WDR44: variants seen among roughly 807,000 people sequenced by gnomAD.
The protein encoded by WDR44 is WD repeat domain 44.
WDR44 carries 9 observed loss-of-function variants against 65.7 expected under a neutral mutation model. The observed-to-expected ratio is 0.14, with a 90% CI of 0.08 to 0.24. The LOEUF is 0.24. WDR44 is among the 10% of genes least tolerant of loss of function. The probability of loss-of-function intolerance (pLI) is 1.00; values close to 1 mark genes in which losing one functional copy is unlikely to be tolerated. For missense variants in WDR44, 425 were observed against 670.9 expected, an observed-to-expected ratio of 0.63 and a Z score of 4.05; for synonymous variants, 220 against 235.2, an observed-to-expected ratio of 0.94 and a Z score of 0.59.
intron 12 of WDR44, among the ~76,000 whole-genome samples, chrX:118,428,470 G>A (rs1419603346): frequency 1.8e-5 from 2 of 111,060 alleles, no homozygotes; most frequent in Non-Finnish European, 3.8e-5. Flanking sequence ...AAGACTTTGA[G>A]GAAATATGCT....
intron 3 of WDR44, among the ~76,000 whole-genome samples, chrX:118,390,306 G>A (rs905642470): frequency 9.1e-6 from 1 of 110,437 alleles, no homozygotes; most frequent in Non-Finnish European, 1.9e-5. Context: ...TAGTCTTTCC[G>A]TTTTCACTAT....
intron 18 of WDR44, 65 bp downstream of exon 18, chrX:118,443,752 A>G: frequency 9.2e-7 from 1 of 1,092,401 alleles, no homozygotes; most frequent in Non-Finnish European, 1.2e-6. Context: ...ATATACTAGA[A>G]GTAAATTCAT....
intron 1 of WDR44, among the ~76,000 whole-genome samples, chrX:118,356,592 T>C (rs150630704): frequency 0.013 from 1,464 of 109,970 alleles, 31 homozygotes; most frequent in African/African-American, 0.046. Context: ...TTGTCACTCT[T>C]TGTGACTACC....
chrX:118,365,558 G>A (rs1217300112), intron 1 of WDR44, among the ~76,000 whole-genome samples: 1 of 111,693 alleles, frequency 9.0e-6, no homozygotes, highest in Non-Finnish European at 1.9e-5. Flanking sequence ...CTGTCAGCCA[G>A]TATATTACCT....
chrX:118,413,548 ATTTG>A (rs1326095395), intron 12 of WDR44, among the ~76,000 whole-genome samples: 3 of 109,627 alleles, frequency 2.7e-5, no homozygotes, highest in Non-Finnish European at 5.7e-5. Flanking sequence ...TTTCTTACTG[ATTTG>A]TTTGAGTTTG....
At chrX:118,363,554 G>A (rs759939061) in intron 1 of WDR44, among the ~76,000 whole-genome samples, 12 of 111,355 alleles carry the variant, frequency 1.1e-4, no homozygotes, top group African/African-American at 3.9e-4. Context: ...ACCTCTAAGG[G>A]AGCAGCAAGC....
At chrX:118,447,220 C>G (rs1265965423) in intron 19 of WDR44, 1 of 191,787 alleles carries the variant, frequency 5.2e-6, no homozygotes, top group African/African-American at 3.1e-5. Context: ...TTTTTACATT[C>G]CATATACTTC....
chrX:118,383,720 CT>C (rs531607075), intron 2 of WDR44, among the ~76,000 whole-genome samples: 1,321 of 84,401 alleles, frequency 0.016, 9 homozygotes, highest in African/African-American at 0.03. Context: ...TCCAAGTATT[CT>C]TTTTTTTTTT....
At chrX:118,352,292 T>C (rs1307930281) in intron 1 of WDR44, among the ~76,000 whole-genome samples, 1 of 83,489 alleles carries the variant, frequency 1.2e-5, no homozygotes, top group African/African-American at 4.5e-5. Context: ...TGGGACCACA[T>C]ATGTGCACCA....
At chrX:118,402,207 G>T (rs1371446590) in intron 8 of WDR44, among the ~76,000 whole-genome samples, 1 of 108,812 alleles carries the variant, frequency 9.2e-6, no homozygotes, top group African/African-American at 3.4e-5. Context: ...GCCGAGGCAG[G>T]TGGATTACCT....
chrX:118,434,248 A>G (rs888684428), intron 13 of WDR44, among the ~76,000 whole-genome samples: 3 of 112,089 alleles, frequency 2.7e-5, no homozygotes, highest in Non-Finnish European at 5.6e-5. Flanking sequence ...TCAAGTGAGT[A>G]ATGTGCATTT....
At chrX:118,375,583 C>T (rs774464309) in intron 1 of WDR44, among the ~76,000 whole-genome samples, 6 of 108,883 alleles carry the variant, frequency 5.5e-5, no homozygotes, top group African/African-American at 1.7e-4. Context: ...GTTTTGATTG[C>T]ACTTGTATTA....
chrX:118,432,461 A>C (rs372416513), intron 12 of WDR44, among the ~76,000 whole-genome samples: 65 of 111,801 alleles, frequency 5.8e-4, no homozygotes, highest in African/African-American at 2.0e-3. Flanking sequence ...GCTAATCTTC[A>C]TTAGCTTAGA....
At chrX:118,351,490 CTGTT>C (rs1247157045) in intron 1 of WDR44, among the ~76,000 whole-genome samples, 2 of 112,024 alleles carry the variant, frequency 1.8e-5, no homozygotes, top group Non-Finnish European at 3.8e-5. Flanking sequence ...TTAAAAATGG[CTGTT>C]TGTTGATGAG....
At chrX:118,386,803 A>G (rs1390874280) in intron 2 of WDR44, among the ~76,000 whole-genome samples, 1 of 111,859 alleles carries the variant, frequency 8.9e-6, no homozygotes, top group Non-Finnish European at 1.9e-5. Flanking sequence ...GAATAATAGA[A>G]TATTGCTGAT....
intron 1 of WDR44, among the ~76,000 whole-genome samples, chrX:118,354,170 C>T (rs1167532526): frequency 1.8e-5 from 2 of 111,382 alleles, no homozygotes; most frequent in Admixed American, 9.5e-5. Context: ...AATCCCAGTG[C>T]CATGAGAGGC....
rs766886778 is a variant in WDR44 at position 118,346,125 on chromosome X, G to T, written c.-379G>T. 2.0e-5 allele frequency: 6 copies of T among 299,547 alleles called. No individual in the cohort carries two copies. Among genetic ancestry groups the T allele is most frequent in the Admixed American group, 1.8e-4 (3 of 16,666 alleles). 24.7% of individuals were successfully genotyped at this position (299,547 alleles called of 1,213,427 possible). A position where few individuals can be genotyped will look rare whatever the true frequency, so the allele number is the denominator to read the frequency against. The stretch of plus-strand genomic sequence containing the variant: ...CGCGTCGGTATTTTGCGGGCAACTA[G>T]CTCTTCCAGCTGCTGTAAATTGCTG... On this transcript the variant is annotated 5_prime_UTR_variant, in exon 1 of 20. Coordinates refer to ENST00000254029, the MANE Select transcript of WDR44 (RefSeq NM_019045.5).
chrX:118,437,853 T>C (rs2057266359), intron 14 of WDR44, among the ~76,000 whole-genome samples: 1 of 109,788 alleles, frequency 9.1e-6, no homozygotes, highest in South Asian at 3.9e-4. Context: ...CTGGCCAACA[T>C]GGTGAAACAT....
At position 118,402,021 on chromosome X, in the gene WDR44, G is replaced by T. The variant is rs772530708; in HGVS notation, c.1275-2317G>T. Among the ~76,000 whole-genome samples the T allele has an allele frequency of 9.4e-5, 10 of 105,893 alleles. No homozygotes were observed. In the East Asian group the frequency reaches 1.2e-3, roughly 13 times the overall value. The allele number at this position is 105,893 out of a possible 115,157, so 92.0% of individuals were successfully genotyped here. ...GTTTTTTGTTTTTTTTGTTTTTTTG[G>T]TTTTTTTTTAGAAAATCAAATATAT... On this transcript the variant is annotated intron_variant, in intron 8 of 19. Coordinates refer to ENST00000254029, the MANE Select transcript of WDR44 (RefSeq NM_019045.5).
Sources: allele counts gnomAD v4.1 joint callset (sites outside exome capture counted in the v4.1 genomes callset), GRCh38; gene constraint gnomAD v4.1.1; transcripts MANE v1.5; gene names NCBI Gene and HGNC (gene_info 2026-07-23, HGNC 2026-07-21).